Variants in SLC16A12 observed in about 807,000 individuals in gnomAD.
SLC16A12 encodes solute carrier family 16 member 12, also known as monocarboxylate transporter 12.
In SLC16A12, 17 loss-of-function variants were observed where a neutral mutation model predicts 42.4. That is an observed-to-expected ratio of 0.40 (90% CI 0.27 to 0.60). The LOEUF is 0.60. SLC16A12 is among the 20% of genes least tolerant of loss of function. SLC16A12 has a pLI of 0.42. For missense variants in SLC16A12, 544 were observed against 623.0 expected (o/e 0.87, Z 1.35); for synonymous variants, 224 against 229.4 (o/e 0.98, Z 0.21).
At chr10:89,504,862 T>C (rs972458597) in intron 2 of SLC16A12, among the ~76,000 whole-genome samples, 1 of 152,184 alleles carries the variant, frequency 6.6e-6, no homozygotes, top group Non-Finnish European at 1.5e-5. Context: ...TCTGCTTCAC[T>C]GGGCAGAGGA....
At chr10:89,516,724 T>A (rs893509898) in intron 2 of SLC16A12, among the ~76,000 whole-genome samples, 4 of 152,230 alleles carry the variant, frequency 2.6e-5, no homozygotes, top group Non-Finnish European at 4.4e-5. Context: ...ATTGTAAGCA[T>A]TCAATAGCTT....
chr10:89,518,114 T>C (rs1356151718), intron 2 of SLC16A12, among the ~76,000 whole-genome samples: 1 of 152,122 alleles, frequency 6.6e-6, no homozygotes, highest in Admixed American at 6.5e-5. Flanking sequence ...CACCAATAAA[T>C]GCAGGCACAG....
At chr10:89,522,182 C>T (rs1843368249) in intron 2 of SLC16A12, among the ~76,000 whole-genome samples, 1 of 152,248 alleles carries the variant, frequency 6.6e-6, no homozygotes. Flanking sequence ...AGCCAGCCCT[C>T]ACTTCTGAAA....
intron 2 of SLC16A12, among the ~76,000 whole-genome samples, chr10:89,529,152 C>A (rs972644573): frequency 1.3e-5 from 2 of 152,004 alleles, no homozygotes; most frequent in Non-Finnish European, 2.9e-5. Context: ...CCTTCGGGGG[C>A]TATGAATGTG....
intron 2 of SLC16A12, among the ~76,000 whole-genome samples, chr10:89,554,082 A>T (rs1250004859): frequency 8.7e-6 from 1 of 115,106 alleles, no homozygotes; most frequent in East Asian, 2.8e-4. Flanking sequence ...GAAAGAAAGA[A>T]AGAAAGAAAG....
At chr10:89,552,980 T>A (rs1489800515) in intron 2 of SLC16A12, among the ~76,000 whole-genome samples, 2 of 152,214 alleles carry the variant, frequency 1.3e-5, no homozygotes, top group Non-Finnish European at 2.9e-5. Context: ...TTCTCTTGAA[T>A]GTACCTCCGT....
At chr10:89,438,350 T>A (rs1222054469) in intron 6 of SLC16A12, among the ~76,000 whole-genome samples, 2 of 152,236 alleles carry the variant, frequency 1.3e-5, no homozygotes, top group African/African-American at 4.8e-5. Flanking sequence ...GTGGCTGTTT[T>A]GTACTATAAT....
chr10:89,454,176 C>T lies in SLC16A12; in HGVS notation c.200+8203G>A, dbSNP rs140057857. Among the ~76,000 whole-genome samples the T allele has an allele frequency of 5.1e-3, 777 of 152,068 alleles. 1 individual carries two copies. The highest frequency in any genetic ancestry group is 0.014 in the Middle Eastern group (4 of 294). ...CAATAGCTGGAACCACAGGAGTGCA[C>T]CATCATGTCCAGCTAGAGACAAGGT... On this transcript the variant is annotated intron_variant, in intron 3 of 7. Transcript: ENST00000371790.
Position 89,438,594 on chromosome 10 carries a change from T to C in SLC16A12, c.1028+10A>G, listed in dbSNP as rs563387145. 5.6e-5 allele frequency: 91 copies of C among 1,613,002 alleles called. 1 individual carries two copies. The highest frequency in any genetic ancestry group is 7.2e-5 in the Non-Finnish European group (85 of 1,179,532). ...TGGTGGGGAACCAATTGTGGTTTCA[T>C]GAATTTTACCTTCTGTCGGTCAGCC... On this transcript the variant is annotated intron_variant, in intron 6 of 7. Transcript: ENST00000371790.
exon 2 of SLC16A12, chr10:89,555,935 T>A (rs532721877): frequency 6.6e-6 from 1 of 151,384 alleles, no homozygotes; most frequent in African/African-American, 2.4e-5. Context: ...CACCCTGCAC[T>A]CTGGTATGGG....
intron 2 of SLC16A12, among the ~76,000 whole-genome samples, chr10:89,488,236 T>A (rs1402571646): frequency 1.3e-5 from 2 of 151,840 alleles, no homozygotes; most frequent in Non-Finnish European, 2.9e-5. Context: ...TCTACAGAAA[T>A]TTTTTTAAAA....
At chr10:89,529,965 A>G (rs1843518579) in intron 2 of SLC16A12, among the ~76,000 whole-genome samples, 1 of 152,220 alleles carries the variant, frequency 6.6e-6, no homozygotes, top group South Asian at 2.1e-4. Context: ...TCAGAAATGG[A>G]AACATTAGAA....
intron 7 of SLC16A12, 88 bp from the exon 8 acceptor site, chr10:89,433,414 T>C (rs1030770068): frequency 1.2e-5 from 17 of 1,377,780 alleles, no homozygotes; most frequent in Non-Finnish European, 1.5e-5. Context: ...GTAAGGATAA[T>C]AATAGATCGA....
chr10:89,458,637 A>G (rs892320557), intron 3 of SLC16A12, among the ~76,000 whole-genome samples: 2 of 152,208 alleles, frequency 1.3e-5, no homozygotes, highest in African/African-American at 2.4e-5. Flanking sequence ...CTTCACATTA[A>G]GCAGATAGAA....
intron 2 of SLC16A12, among the ~76,000 whole-genome samples, chr10:89,490,582 T>C (rs1842830218): frequency 6.6e-6 from 1 of 152,172 alleles, no homozygotes; most frequent in African/African-American, 2.4e-5. Flanking sequence ...AACAATCATA[T>C]GGAAGAGAAG....
intron 2 of SLC16A12, among the ~76,000 whole-genome samples, chr10:89,510,077 A>G (rs185850527): frequency 1.6e-4 from 24 of 152,344 alleles, no homozygotes; most frequent in African/African-American, 5.3e-4. Flanking sequence ...GCTCAATGAA[A>G]TAAAAGAGGA....
chr10:89,434,795 T>TATAGG (rs1841751977), intron 7 of SLC16A12, among the ~76,000 whole-genome samples: 1 of 152,228 alleles, frequency 6.6e-6, no homozygotes, highest in African/African-American at 2.4e-5. Context: ...TCATTCTCAA[T>TATAGG]ATTTACCTCG....
chr10:89,516,938 T>C (rs148622882), intron 2 of SLC16A12, among the ~76,000 whole-genome samples: 1 of 152,322 alleles, frequency 6.6e-6, no homozygotes, highest in East Asian at 1.9e-4. Context: ...GAAATAAAAA[T>C]AGTACCAGGC....
chr10:89,504,265 T>A (rs1564592277), intron 2 of SLC16A12, among the ~76,000 whole-genome samples: 2 of 152,220 alleles, frequency 1.3e-5, no homozygotes, highest in Non-Finnish European at 2.9e-5. Context: ...AGGTCACTGA[T>A]CATTGCTTAA....
Sources: allele counts gnomAD v4.1 joint callset (sites outside exome capture counted in the v4.1 genomes callset), GRCh38; gene constraint gnomAD v4.1.1; transcripts MANE v1.5; gene names NCBI Gene and HGNC (gene_info 2026-07-23, HGNC 2026-07-21).